Variants in RBBP8 observed in about 807,000 individuals in gnomAD.
The protein encoded by RBBP8 is DNA endonuclease RBBP8.
RBBP8 carries 88 observed loss-of-function variants against 108.3 expected under a neutral mutation model. The observed-to-expected ratio is 0.81, with a 90% CI of 0.68 to 0.97. The LOEUF (loss-of-function observed/expected upper bound fraction) is 0.97. Ranked by LOEUF, RBBP8 falls within the 50% of genes least tolerant of loss-of-function variation. RBBP8 has a pLI of 0.00. For missense variants in RBBP8, 1,023 were observed against 1,049.0 expected, an observed-to-expected ratio of 0.98 and a Z score of 0.34; for synonymous variants, 332 against 348.2, an observed-to-expected ratio of 0.95 and a Z score of 0.52.
intron 1 of RBBP8, among the ~76,000 whole-genome samples, chr18:22,935,321 G>A (rs1263227798): frequency 2.1e-5 from 3 of 141,116 alleles, no homozygotes; most frequent in Non-Finnish European, 3.0e-5. Context: ...CAAGCAAATC[G>A]CAGAGTATAT....
At position 22,968,832 on chromosome 18, in the gene RBBP8, G is replaced by C. The variant is rs745988054; in HGVS notation, c.275G>C (p.Cys92Ser). 1.9e-6 allele frequency: 3 copies of C among 1,613,464 alleles called. 1 individual carries two copies. The highest frequency in any genetic ancestry group is 2.5e-6 in the Non-Finnish European group (3 of 1,179,580). The part of the protein sequence containing the change: ...DRLRAGLCDR[C>S]AVTEEHMRKK... ...TTAAGAGCAGGCTTATGTGATCGCTGTGCAGTAACTGAAGAACATATGCGG... is the reference window on the plus strand; with the variant it reads ...TTAAGAGCAGGCTTATGTGATCGCTCTGCAGTAACTGAAGAACATATGCGG... The change falls in exon 5 of 19, where the codon TGT becomes TCT. Residue 92 changes from cysteine to serine, a missense_variant. Cys to Ser is a moderately radical substitution (Grantham distance 112, BLOSUM62 -1). Transcript: ENST00000327155.
chr18:22,993,062 T>C lies in RBBP8; in HGVS notation c.1235T>C (p.Ile412Thr), dbSNP rs144329689. The part of the protein sequence containing the change: ...SNKQILINKN[I>T]SESLGEQNRT... ...AAACAGATACTTATAAATAAAAATATAAGTGAATCCCTAGGTGAACAGAAT... is the reference window on the plus strand; with the variant it reads ...AAACAGATACTTATAAATAAAAATACAAGTGAATCCCTAGGTGAACAGAAT... Residue 412 changes from isoleucine to threonine, a missense_variant, in exon 11 of 19, where the codon ATA becomes ACA. Transcript: ENST00000327155. 9.9e-6 allele frequency: 16 copies of C among 1,612,680 alleles called. No homozygotes were observed. In the African/African-American group the frequency reaches 1.6e-4, roughly 16 times the overall value.
At chr18:23,009,378 C>T (rs1021272630) in intron 16 of RBBP8, among the ~76,000 whole-genome samples, 2 of 150,742 alleles carry the variant, frequency 1.3e-5, no homozygotes, top group South Asian at 2.1e-4. Context: ...AAAATCACTG[C>T]GTTTTTTTTT....
chr18:22,976,445 T>G (rs1366538898), intron 6 of RBBP8, among the ~76,000 whole-genome samples: 1 of 152,152 alleles, frequency 6.6e-6, no homozygotes, highest in African/African-American at 2.4e-5. Flanking sequence ...ATTTTTGAAA[T>G]GTTGTTCACA....
At chr18:22,981,657 C>T (rs1028512572) in intron 6 of RBBP8, among the ~76,000 whole-genome samples, 2 of 152,178 alleles carry the variant, frequency 1.3e-5, no homozygotes, top group Non-Finnish European at 2.9e-5. Flanking sequence ...TGATGTTTAA[C>T]GTTCTTTCCT....
At chr18:22,942,234 T>C (rs930272024) in intron 2 of RBBP8, among the ~76,000 whole-genome samples, 1 of 152,088 alleles carries the variant, frequency 6.6e-6, no homozygotes, top group African/African-American at 2.4e-5. Flanking sequence ...AGAGAAATGT[T>C]GGGAATGGTA....
chr18:22,935,825 C>A (rs531927811), intron 1 of RBBP8, among the ~76,000 whole-genome samples: 9 of 152,316 alleles, frequency 5.9e-5, no homozygotes, highest in Middle Eastern at 3.4e-3. Context: ...TAATGATTCA[C>A]CTTTATTCTA....
chr18:23,006,611 C>G (rs954641303), intron 16 of RBBP8, among the ~76,000 whole-genome samples, 179 bp downstream of exon 16: 5 of 152,076 alleles, frequency 3.3e-5, no homozygotes, highest in African/African-American at 1.2e-4. Context: ...AAGCAATACT[C>G]CCACCTCAGC....
At chr18:22,950,698 A>G (rs910466025) in intron 4 of RBBP8, among the ~76,000 whole-genome samples, 1 of 152,150 alleles carries the variant, frequency 6.6e-6, no homozygotes, top group African/African-American at 2.4e-5. Flanking sequence ...CAAGAAGATG[A>G]TTGCTTGAGT....
At chr18:22,983,851 G>C (rs1915124962) in intron 7 of RBBP8, among the ~76,000 whole-genome samples, 1 of 67,226 alleles carries the variant, frequency 1.5e-5, no homozygotes, top group Non-Finnish European at 5.0e-5. Context: ...GGAGGCCAAG[G>C]TGGGTGGATC....
intron 3 of RBBP8, among the ~76,000 whole-genome samples, chr18:22,947,774 A>G (rs1048139165): frequency 6.6e-6 from 1 of 152,062 alleles, no homozygotes; most frequent in Non-Finnish European, 1.5e-5. Flanking sequence ...TTGCTTTTTT[A>G]AAGACCTTGT....
At chr18:23,003,265 G>T (rs985790360) in intron 15 of RBBP8, among the ~76,000 whole-genome samples, 12 of 152,178 alleles carry the variant, frequency 7.9e-5, no homozygotes, top group Admixed American at 7.9e-4. Flanking sequence ...CGTCTCTTCA[G>T]CTTAAACGTA....
chr18:22,992,825 C>G lies in RBBP8; in HGVS notation c.998C>G (p.Thr333Ser). Reference protein sequence around the residue: ...TRVSSPVFGATSSIKSGLDLN... With the variant: ...TRVSSPVFGASSSIKSGLDLN... Reference sequence around the variant, plus strand: ...GTGTCATCTCCTGTATTTGGAGCTACCTCTAGTATCAAAAGTGGTTTAGAT... The same window carrying G: ...GTGTCATCTCCTGTATTTGGAGCTAGCTCTAGTATCAAAAGTGGTTTAGAT... The change falls in exon 11 of 19, where the codon ACC (threonine) becomes AGC (serine). Residue 333 changes from threonine (T) to serine (S), a missense_variant. Coordinates refer to ENST00000327155, the MANE Select transcript of RBBP8 (RefSeq NM_002894.3). 6.2e-7 allele frequency: 1 copy of G among 1,610,290 alleles called. No individual in the cohort carries two copies. Among genetic ancestry groups the G allele is most frequent in the Non-Finnish European group, 8.5e-7 (1 of 1,176,606 alleles).
intron 16 of RBBP8, among the ~76,000 whole-genome samples, chr18:23,012,987 C>G (rs1441195949): frequency 6.6e-6 from 1 of 151,630 alleles, no homozygotes; most frequent in African/African-American, 2.4e-5. Context: ...TGTGCCTGTG[C>G]TTTAGAAATA....
chr18:22,937,443 G>T (rs1238023192), intron 2 of RBBP8, among the ~76,000 whole-genome samples: 1 of 150,388 alleles, frequency 6.6e-6, no homozygotes, highest in East Asian at 1.9e-4. Flanking sequence ...GTCCACTGTT[G>T]AATTTTGTAC....
At chr18:22,963,326 T>C (rs1305594220) in intron 4 of RBBP8, among the ~76,000 whole-genome samples, 3 of 152,204 alleles carry the variant, frequency 2.0e-5, no homozygotes, top group Non-Finnish European at 4.4e-5. Context: ...TGAGTTTTTA[T>C]TTTATGATTA....
intron 2 of RBBP8, among the ~76,000 whole-genome samples, chr18:22,943,554 TCAA>T (rs1911282390): frequency 1.3e-5 from 2 of 152,134 alleles, no homozygotes; most frequent in African/African-American, 4.8e-5. Flanking sequence ...TTGAGATAAT[TCAA>T]TCTTAAGCAA....
chr18:23,020,150 G>A (rs906671885), intron 17 of RBBP8, among the ~76,000 whole-genome samples: 4 of 150,832 alleles, frequency 2.7e-5, no homozygotes, highest in Non-Finnish European at 5.9e-5. Flanking sequence ...GCCAGGCACA[G>A]TAGCTCATGC....
chr18:22,963,414 T>C (rs1351995086), intron 4 of RBBP8, among the ~76,000 whole-genome samples: 1 of 152,198 alleles, frequency 6.6e-6, no homozygotes, highest in East Asian at 1.9e-4. Flanking sequence ...GTCCATAGTG[T>C]TTATGATGGA....
Sources: gnomAD v4.1 joint callset for allele counts (sites outside exome capture counted in the v4.1 genomes callset) on GRCh38, gnomAD v4.1.1 for gene constraint, MANE v1.5 for transcripts, NCBI Gene and HGNC (gene_info 2026-07-23, HGNC 2026-07-21) for gene names.